The following ZBTB45 variants were observed in gnomAD, a reference collection of about 807,000 sequenced individuals.
ZBTB45 encodes the protein zinc finger and BTB domain-containing protein 45.
In ZBTB45, 22 loss-of-function variants were observed where a neutral mutation model predicts 28.4. The observed-to-expected ratio is 0.77, with a 90% confidence interval of 0.55 to 1.10. The LOEUF is 1.10. Among genes scored for constraint, ZBTB45 ranks in the 50% least tolerant of loss-of-function variants. ZBTB45 has a pLI of 0.00. For missense variants in ZBTB45, 656 were observed against 750.2 expected, an observed-to-expected ratio of 0.87 and a Z score of 1.47; for synonymous variants, 361 against 332.3, an observed-to-expected ratio of 1.09 and a Z score of -0.94.
intron 1 of ZBTB45, among the ~76,000 whole-genome samples, chr19:58,529,187 C>G (rs2053623543): frequency 6.6e-6 from 1 of 151,992 alleles, no homozygotes; most frequent in Non-Finnish European, 1.5e-5. Context: ...CATCTGTAAG[C>G]CCAGCACTTT....
upstream of ZBTB45, among the ~76,000 whole-genome samples, chr19:58,523,297 G>C (rs191934191): frequency 3.6e-4 from 55 of 152,064 alleles, no homozygotes; most frequent in Non-Finnish European, 6.5e-4. Flanking sequence ...CATAATTTCA[G>C]CACCTTGGGA....
At chr19:58,520,101 C>G (rs1353153485), upstream of ZBTB45, 3 of 152,254 alleles carry the variant, frequency 2.0e-5, no homozygotes, top group East Asian at 5.8e-4. Flanking sequence ...GTTCCCGGCC[C>G]AAGTGCCCAA....
At chr19:58,524,404 T>TGTGTGTGTGTGTGTGTGTGTGTTC (rs2053595294), upstream of ZBTB45, among the ~76,000 whole-genome samples, 3 of 104,086 alleles carry the variant, frequency 2.9e-5, no homozygotes, top group African/African-American at 1.5e-4. Context: ...TGTGTATATA[T>TGTGTGTGTGTGTGTGTGTGTGTTC]ATGTGTGTGT....
chr19:58,521,051 C>CAA (rs71190053), upstream of ZBTB45, among the ~76,000 whole-genome samples: 10 of 27,820 alleles, frequency 3.6e-4, 2 homozygotes, highest in African/African-American at 2.0e-3. Flanking sequence ...GACTCCGTCT[C>CAA]AAAAAAAAAA....
At position 58,516,450 on chromosome 19, in the gene ZBTB45, A is replaced by G. The variant is rs55964144; in HGVS notation, c.1224T>C (p.Cys408=). ...AEPPTYECSH[C]RKTFSSRKNY... ...TTTTCCGGGAGCTGAACGTCTTGCGACAGTGGCTGCACTCATACGTAGGTG... is the reference window on the plus strand; with the variant it reads ...TTTTCCGGGAGCTGAACGTCTTGCGGCAGTGGCTGCACTCATACGTAGGTG... The change falls in exon 2 of 3, where the codon TGT becomes TGC. Residue 408 remains cysteine (C), a synonymous_variant. Coordinates refer to ENST00000594051, the MANE Select transcript of ZBTB45 (RefSeq NM_001316979.2). This position sits in a 1 kb window ranked among gnomAD's most constrained non-coding sequence, Gnocchi z 6.2. 4.3e-6 allele frequency: 7 copies of G among 1,613,952 alleles called. No homozygotes were observed. Among genetic ancestry groups the G allele is most frequent in the Admixed American group, 1.7e-5 (1 of 60,012 alleles).
In ZBTB45 at chr19:58,516,648, G is replaced by A. The variant is rs1261077764; in HGVS notation, c.1026C>T (p.Pro342=). ...FPFHLGAPGP[P]APPPSAPSGP... is the part of the protein sequence containing the mutation. ...CCGATGGTGCTGAAGGGGGTGGTGC[G>A]GGTGGCCCAGGGGCACCCAAGTGAA... The change falls in exon 2 of 3, where the codon CCC becomes CCT. Residue 342 remains proline, a synonymous_variant. Coordinates refer to ENST00000594051, the MANE Select transcript of ZBTB45 (RefSeq NM_001316979.2). The surrounding 1 kb of genome is among the most constrained non-coding windows in gnomAD (Gnocchi z 6.2). 10 of 1,560,710 alleles carry A rather than the reference G, an allele frequency of 6.4e-6. No individual in the cohort carries two copies. The highest frequency in any genetic ancestry group is 2.4e-5 in the South Asian group (2 of 82,152).
chr19:58,522,377 G>C (rs910603572), upstream of ZBTB45, among the ~76,000 whole-genome samples: 2 of 150,338 alleles, frequency 1.3e-5, no homozygotes, highest in African/African-American at 4.9e-5. Context: ...CACCAGGCTG[G>C]TCTCAAACTC....
At chr19:58,536,448 A>G (rs2053660641) in intron 1 of ZBTB45, among the ~76,000 whole-genome samples, 1 of 149,202 alleles carries the variant, frequency 6.7e-6, no homozygotes, top group African/African-American at 2.5e-5. Flanking sequence ...CCTGGGCGAC[A>G]GAGGGAGACG....
intron 1 of ZBTB45, among the ~76,000 whole-genome samples, chr19:58,528,824 G>A (rs1237754954): frequency 2.0e-5 from 3 of 152,020 alleles, no homozygotes; most frequent in African/African-American, 7.3e-5. Flanking sequence ...AACTCGAGAG[G>A]CGGAGGTTGC....
upstream of ZBTB45, among the ~76,000 whole-genome samples, chr19:58,523,972 G>C (rs1194863760): frequency 6.9e-6 from 1 of 144,944 alleles, no homozygotes; most frequent in Non-Finnish European, 1.5e-5. Flanking sequence ...TACTTGGGAG[G>C]CTGAAGCAGA....
At chr19:58,532,568 T>C (rs184622399) in intron 1 of ZBTB45, among the ~76,000 whole-genome samples, 34 of 152,242 alleles carry the variant, frequency 2.2e-4, no homozygotes, top group Non-Finnish European at 3.8e-4. Flanking sequence ...TTTTTTGAGA[T>C]GGAGTTTCGC....
chr19:58,523,106 G>A (rs886495487), upstream of ZBTB45, among the ~76,000 whole-genome samples: 3 of 152,114 alleles, frequency 2.0e-5, no homozygotes, highest in Non-Finnish European at 2.9e-5. Flanking sequence ...GGGCAAGATA[G>A]GGGTGGAAGA....
At chr19:58,529,830 C>A (rs1021914162) in intron 1 of ZBTB45, among the ~76,000 whole-genome samples, 3 of 152,126 alleles carry the variant, frequency 2.0e-5, no homozygotes, top group East Asian at 1.9e-4. Flanking sequence ...TATCTGACTT[C>A]TTTCACTTAG....
At chr19:58,525,567 G>C (rs2122585353) in intron 1 of ZBTB45, among the ~76,000 whole-genome samples, 1 of 152,284 alleles carries the variant, frequency 6.6e-6, no homozygotes, top group African/African-American at 2.4e-5. Context: ...TTAGAGAGAG[G>C]CTGGAGGGAG....
At chr19:58,519,452 C>CT (rs2053558349) in intron 1 of ZBTB45, 1 of 152,802 alleles carries the variant, frequency 6.5e-6, no homozygotes, top group African/African-American at 2.4e-5. Flanking sequence ...CCCAGGCCAG[C>CT]TTCCCGGGTC....
At chr19:58,521,357 A>T (rs904509216), upstream of ZBTB45, among the ~76,000 whole-genome samples, 11 of 138,230 alleles carry the variant, frequency 8.0e-5, no homozygotes, top group Non-Finnish European at 1.6e-4. Flanking sequence ...AAAGAGCGAC[A>T]CTCAGTCTCA....
Position 58,527,170 on chromosome 19 carries a change from A to G in ZBTB45, c.1-9497T>C, listed in dbSNP as rs1431514438. Among the ~76,000 whole-genome samples, 4 of 152,162 alleles carry G rather than the reference A, an allele frequency of 2.6e-5. No individual in the cohort carries two copies. The East Asian group carries it at 7.8e-4, about 30-fold the overall frequency. On this transcript the variant is annotated intron_variant, in intron 1 of 1. Coordinates refer to the ZBTB45 transcript ENST00000600130. ...TTCTCCCTTTAATCAATTTTCCTCT[A>G]TTGCACCCACTGCTCCTCGATGCCC...
chr19:58,532,405 A>G (rs973191936), intron 1 of ZBTB45, among the ~76,000 whole-genome samples: 1 of 152,216 alleles, frequency 6.6e-6, no homozygotes, highest in Non-Finnish European at 1.5e-5. Context: ...GTAAGGCTAC[A>G]TGGCACAAAC....
At position 58,513,790 on chromosome 19, in the gene ZBTB45, T is replaced by C. The variant is rs762666098; in HGVS notation, c.*264A>G. 5.2e-6 allele frequency: 2 copies of C among 385,458 alleles called. No individual in the cohort carries two copies. The highest frequency in any genetic ancestry group is 4.5e-6 in the Non-Finnish European group (1 of 222,448). 23.9% of individuals were successfully genotyped at this position (385,458 alleles called of 1,614,324 possible). On this transcript the variant is annotated 3_prime_UTR_variant, in exon 3 of 3. Coordinates refer to ENST00000594051, the MANE Select transcript of ZBTB45 (RefSeq NM_001316979.2). ...CGGGTCCAAGCGCCTGAGCGCCCGG[T>C]TTACGCAGGAAATAGTCCAGTTCTC...
Sources: allele counts gnomAD v4.1 joint callset (sites outside exome capture counted in the v4.1 genomes callset), GRCh38; gene constraint gnomAD v4.1.1; non-coding constraint Gnocchi (gnomAD v3.1); transcripts MANE v1.5; gene names NCBI Gene and HGNC (gene_info 2026-07-23, HGNC 2026-07-21).